Variants in GRIN2B observed in about 807,000 individuals in gnomAD.
The protein encoded by GRIN2B is glutamate ionotropic receptor NMDA type subunit 2B.
In GRIN2B, 5 loss-of-function variants were observed where a neutral mutation model predicts 114.5. The observed-to-expected ratio is 0.04, with a 90% CI of 0.02 to 0.09. GRIN2B has a LOEUF of 0.09. Among genes scored for constraint, GRIN2B ranks in the 10% least tolerant of loss-of-function variants. GRIN2B has a pLI of 1.00. For synonymous variants in GRIN2B, 787 were observed against 745.1 expected, an observed-to-expected ratio of 1.06 and a Z score of -0.92; for missense variants, 1,108 against 1,943.5, an observed-to-expected ratio of 0.57 and a Z score of 8.08.
rs1215993052 is a variant in GRIN2B, at chr12:13,694,682, T to C, written c.1011-18823A>G. The stretch of plus-strand genomic sequence containing the variant: ...ATATATATATATATATATATATATA[T>C]ATATATATATATATATATATAAATT... On this transcript the variant is annotated intron_variant, in intron 4 of 13. Transcript: ENST00000609686. Among the ~76,000 whole-genome samples the C allele has an allele frequency of 1.1e-4, 12 of 104,742 alleles. 1 individual carries two copies. The highest frequency in any genetic ancestry group is 1.5e-4 in the Non-Finnish European group (7 of 46,174). The allele number at this position is 104,742 out of a possible 152,430, so 68.7% of individuals were successfully genotyped here. A position where few individuals can be genotyped will look rare whatever the true frequency, so the allele number is the denominator to read the frequency against.
chr12:13,828,690 A>G lies in GRIN2B; in HGVS notation c.411+37108T>C, dbSNP rs188727599. On this transcript the variant is annotated intron_variant, in intron 3 of 13. Coordinates refer to ENST00000609686, the MANE Select transcript of GRIN2B (RefSeq NM_000834.5). Reference sequence around the variant, plus strand: ...ATAATCCTGTGCTACCCATTGTCCAATGTCTAAAAGTAGCCATTTTCTTTT... The same window carrying G: ...ATAATCCTGTGCTACCCATTGTCCAGTGTCTAAAAGTAGCCATTTTCTTTT... Among the ~76,000 whole-genome samples, 297 of 152,268 alleles carry G rather than the reference A, an allele frequency of 2.0e-3. 1 individual carries two copies. The highest frequency in any genetic ancestry group is 3.0e-3 in the Non-Finnish European group (201 of 68,018).
chr12:13,585,756 A>G (rs1948913932), intron 10 of GRIN2B, among the ~76,000 whole-genome samples: 1 of 152,228 alleles, frequency 6.6e-6, no homozygotes, highest in African/African-American at 2.4e-5. Context: ...GCCTGTACAG[A>G]GGAGGAAACA....
At position 13,537,505 on chromosome 12, in the gene GRIN2B, G is replaced by C. The variant is rs1948227242; in HGVS notation, c.*25278C>G. 1 of 152,148 alleles carries C rather than the reference G, an allele frequency of 6.6e-6. No individual in the cohort carries two copies. Among genetic ancestry groups the C allele is most frequent in the Non-Finnish European group, 1.5e-5 (1 of 68,046 alleles). 9.4% of individuals were successfully genotyped at this position (152,148 alleles called of 1,614,324 possible). A position where few individuals can be genotyped will look rare whatever the true frequency, so the allele number is the denominator to read the frequency against. On this transcript the variant is annotated 3_prime_UTR_variant, in exon 14 of 14. Coordinates refer to ENST00000609686, the MANE Select transcript of GRIN2B (RefSeq NM_000834.5). Reference sequence around the variant, plus strand: ...CATTCTTCAGCTCCAAATGGAAGAGGAAAGAGGTCCTGGAGTTCCAAAGGG... The same window carrying C: ...CATTCTTCAGCTCCAAATGGAAGAGCAAAGAGGTCCTGGAGTTCCAAAGGG...
chr12:13,733,901 C>T (rs753525839), intron 4 of GRIN2B, among the ~76,000 whole-genome samples: 3 of 152,116 alleles, frequency 2.0e-5, no homozygotes, highest in African/African-American at 4.8e-5. Flanking sequence ...AGAAGAAAAC[C>T]AATCAAAGTC....
intron 10 of GRIN2B, among the ~76,000 whole-genome samples, chr12:13,574,327 C>T (rs914194187): frequency 6.6e-6 from 1 of 152,168 alleles, no homozygotes; most frequent in Admixed American, 6.5e-5. Flanking sequence ...GAAAGATATT[C>T]CTCAAATCAA....
intron 3 of GRIN2B, among the ~76,000 whole-genome samples, chr12:13,814,256 A>T (rs1012951301): frequency 6.6e-6 from 1 of 152,234 alleles, no homozygotes; most frequent in Non-Finnish European, 1.5e-5. Flanking sequence ...ATTCCTCAGT[A>T]TGCACTAATT....
intron 2 of GRIN2B, among the ~76,000 whole-genome samples, chr12:13,918,494 T>TTA: frequency 6.6e-6 from 1 of 152,334 alleles, no homozygotes; most frequent in East Asian, 1.9e-4. Flanking sequence ...ATTTATGCAT[T>TTA]AATAAGAGTT....
chr12:13,857,976 C>G lies in GRIN2B; in HGVS notation c.411+7822G>C, dbSNP rs181799903. On this transcript the variant is annotated intron_variant, in intron 3 of 13. Transcript: ENST00000609686. Reference sequence around the variant, plus strand: ...ACCCCAGATGTCAGTACTGACATCACTGAGCCAGTGAACCACCCCCAGCAG... The same window carrying G: ...ACCCCAGATGTCAGTACTGACATCAGTGAGCCAGTGAACCACCCCCAGCAG... 4.1e-4 allele frequency among the ~76,000 whole-genome samples: 63 copies of G among 152,076 alleles called. 1 individual carries two copies. The highest frequency in any genetic ancestry group is 3.5e-3 in the Admixed American group (54 of 15,260).
intron 2 of GRIN2B, among the ~76,000 whole-genome samples, chr12:13,948,951 C>A (rs1348713889): frequency 1.3e-5 from 2 of 152,178 alleles, no homozygotes; most frequent in Non-Finnish European, 2.9e-5. Context: ...TCTGAAAGAA[C>A]TAAGTTCTTG....
At chr12:13,646,920 C>T (rs529101173) in intron 5 of GRIN2B, among the ~76,000 whole-genome samples, 25 of 152,176 alleles carry the variant, frequency 1.6e-4, no homozygotes, top group Admixed American at 1.0e-3. Flanking sequence ...TGAAGAGGGT[C>T]GCATGGCCAG....
intron 3 of GRIN2B, among the ~76,000 whole-genome samples, chr12:13,758,462 G>C (rs1404405196): frequency 6.6e-6 from 1 of 152,210 alleles, no homozygotes; most frequent in Non-Finnish European, 1.5e-5. Context: ...ATTAAATTCA[G>C]AGGAGAAGAG....
chr12:13,828,331 T>C (rs1209833260), intron 3 of GRIN2B, among the ~76,000 whole-genome samples: 2 of 152,254 alleles, frequency 1.3e-5, no homozygotes, highest in Non-Finnish European at 2.9e-5. Context: ...GAATGGCCTC[T>C]GGCCCAGTGG....
intron 3 of GRIN2B, among the ~76,000 whole-genome samples, chr12:13,837,273 C>A (rs1865287561): frequency 6.6e-6 from 1 of 152,216 alleles, no homozygotes; most frequent in South Asian, 2.1e-4. Flanking sequence ...TCTCCTCCAA[C>A]CAAGAGCAGA....
rs1865199049 is a variant in GRIN2B at position 13,833,898 on chromosome 12, C to T, written c.411+31900G>A. 4.6e-5 allele frequency among the ~76,000 whole-genome samples: 7 copies of T among 152,004 alleles called. No homozygotes were observed. In the South Asian group the frequency reaches 1.2e-3, roughly 27 times the overall value. On this transcript the variant is annotated intron_variant, in intron 3 of 13. Coordinates refer to ENST00000609686, the MANE Select transcript of GRIN2B (RefSeq NM_000834.5). ...GAAAAAAAAATGAAGGTCATTCCAGCGATGCTTTCTGAATGTGGTCAAAAG... is the reference window on the plus strand; with the variant it reads ...GAAAAAAAAATGAAGGTCATTCCAGTGATGCTTTCTGAATGTGGTCAAAAG...
intron 3 of GRIN2B, among the ~76,000 whole-genome samples, chr12:13,822,280 A>C (rs1185313425): frequency 6.6e-6 from 1 of 152,194 alleles, no homozygotes; most frequent in East Asian, 1.9e-4. Context: ...GAAGCTGAAC[A>C]ATCTAACAGA....
chr12:13,813,178 AC>A (rs1319049265), intron 3 of GRIN2B, among the ~76,000 whole-genome samples: 1 of 151,818 alleles, frequency 6.6e-6, no homozygotes, highest in Non-Finnish European at 1.5e-5. Context: ...GATGTGATCC[AC>A]CCATCTCGGC....
At chr12:13,656,188 G>A (rs1048725132) in intron 5 of GRIN2B, among the ~76,000 whole-genome samples, 3 of 152,062 alleles carry the variant, frequency 2.0e-5, no homozygotes, top group Non-Finnish European at 2.9e-5. Context: ...TTCAGTTCCT[G>A]AATACAATAA....
At chr12:13,792,364 C>T (rs1864336267) in intron 3 of GRIN2B, among the ~76,000 whole-genome samples, 1 of 152,238 alleles carries the variant, frequency 6.6e-6, no homozygotes, top group Non-Finnish European at 1.5e-5. Context: ...ATGAGAGAAG[C>T]GGTTTAGAAA....
At chr12:13,864,467 G>T (rs1865792847) in intron 3 of GRIN2B, among the ~76,000 whole-genome samples, 1 of 152,196 alleles carries the variant, frequency 6.6e-6, no homozygotes, top group Non-Finnish European at 1.5e-5. Context: ...TAAAAAGTAT[G>T]ACAATGACAA....
Sources: allele counts gnomAD v4.1 joint callset (sites outside exome capture counted in the v4.1 genomes callset), GRCh38; gene constraint gnomAD v4.1.1; transcripts MANE v1.5; gene names NCBI Gene and HGNC (gene_info 2026-07-23, HGNC 2026-07-21).